The following MSRA variants were observed in gnomAD, a reference collection of about 807,000 sequenced individuals.
MSRA encodes the protein mitochondrial peptide methionine sulfoxide reductase.
In MSRA, 54 loss-of-function variants were observed where a neutral mutation model predicts 31.3. The ratio of observed to expected loss-of-function variants is 1.73; its 90% CI spans 1.39 to 2.17. MSRA has a LOEUF of 2.17. Among genes scored for constraint, MSRA ranks in the 30% most tolerant of loss-of-function variants. The probability of loss-of-function intolerance (pLI) is 0.00; values close to 1 mark genes in which losing one functional copy is unlikely to be tolerated. For missense variants in MSRA, 507 were observed against 300.9 expected (o/e 1.69, Z -5.07); for synonymous variants, 169 against 116.5 (o/e 1.45, Z -2.90).
intron 1 of MSRA, among the ~76,000 whole-genome samples, chr8:10,184,771 A>C (rs150452055): frequency 6.6e-6 from 1 of 152,168 alleles, no homozygotes. Flanking sequence ...GTTAGTTTAC[A>C]TGTCAAAGGA....
In MSRA at chr8:10,054,488, C is replaced by G. The variant is rs1802171906; in HGVS notation, c.-29C>G. 1.9e-6 allele frequency: 3 copies of G among 1,554,312 alleles called. No individual in the cohort carries two copies. The highest frequency in any genetic ancestry group is 1.2e-5 in the South Asian group (1 of 86,004). On this transcript the variant is annotated 5_prime_UTR_variant, in exon 1 of 6. Transcript: ENST00000317173. ...CTCCGCTGCCGGTAGCGCCGTCCCC[C>G]GGGACCACCCTTCGGCTGGCGCCCT... is the stretch of plus-strand genomic sequence containing the variant.
chr8:10,250,486 G>C (rs1245372445), intron 3 of MSRA: 7 of 702,260 alleles, frequency 1.0e-5, no homozygotes, highest in African/African-American at 5.2e-5. Flanking sequence ...GCACAGCCAA[G>C]TGGCACTGAA....
chr8:10,401,717 C>G (rs1807476897), intron 5 of MSRA, among the ~76,000 whole-genome samples: 1 of 152,132 alleles, frequency 6.6e-6, no homozygotes, highest in South Asian at 2.1e-4. Context: ...ACGCAATGGA[C>G]TGCAGCCTGA....
intron 5 of MSRA, among the ~76,000 whole-genome samples, chr8:10,342,116 CA>C (rs1803464626): frequency 6.6e-6 from 1 of 152,140 alleles, no homozygotes; most frequent in African/African-American, 2.4e-5. Flanking sequence ...ATCAGCTGTG[CA>C]AAAGCAACAC....
chr8:10,228,410 T>C (rs1419780714), intron 2 of MSRA, among the ~76,000 whole-genome samples: 1 of 152,162 alleles, frequency 6.6e-6, no homozygotes, highest in Non-Finnish European at 1.5e-5. Flanking sequence ...GTACAGAAAA[T>C]GCACCTCTAA....
At chr8:10,351,933 A>G (rs907026269) in intron 5 of MSRA, among the ~76,000 whole-genome samples, 9 of 152,224 alleles carry the variant, frequency 5.9e-5, no homozygotes, top group African/African-American at 1.9e-4. Context: ...ATTTAATGAG[A>G]AGAGAACCCA....
At chr8:10,357,497 T>C (rs1270469034) in intron 5 of MSRA, among the ~76,000 whole-genome samples, 1 of 152,246 alleles carries the variant, frequency 6.6e-6, no homozygotes, top group Non-Finnish European at 1.5e-5. Context: ...ACTATCTTTA[T>C]TGAAACTCTT....
intron 1 of MSRA, among the ~76,000 whole-genome samples, chr8:10,119,467 T>C (rs953830288): frequency 6.6e-6 from 1 of 152,170 alleles, no homozygotes; most frequent in African/African-American, 2.4e-5. Context: ...AGCAGGCTGA[T>C]GATTGAAGTC....
intron 1 of MSRA, among the ~76,000 whole-genome samples, chr8:10,158,235 C>T (rs747587533): frequency 1.1e-4 from 17 of 152,214 alleles, no homozygotes; most frequent in Admixed American, 2.0e-4. Flanking sequence ...ATCTGGACTT[C>T]AAGAGGACGT....
rs138093323 is a variant in MSRA, at chr8:10,428,090, C to T, written c.544-58C>T. 1,858 of 1,560,994 alleles carry T rather than the reference C, an allele frequency of 1.2e-3. 16 individuals carry two copies. The Middle Eastern group carries it at 0.04, about 34-fold the overall frequency. ...CAGCCCTGGCCCCTCAGTGCCACCC[C>T]TCGCAGGTGCTGTCTCTCTAGCATG... is the stretch of plus-strand genomic sequence containing the variant. On this transcript the variant is annotated intron_variant, in intron 5 of 5. Coordinates refer to ENST00000317173, the MANE Select transcript of MSRA (RefSeq NM_012331.5).
chr8:10,344,781 A>C (rs1803665946), intron 5 of MSRA, among the ~76,000 whole-genome samples: 1 of 152,104 alleles, frequency 6.6e-6, no homozygotes, highest in Admixed American at 6.6e-5. Flanking sequence ...GAGGTGGTGT[A>C]CAAGACCTCA....
chr8:10,165,161 G>C (rs1243787350), intron 1 of MSRA, among the ~76,000 whole-genome samples: 3 of 152,188 alleles, frequency 2.0e-5, no homozygotes, highest in African/African-American at 7.2e-5. Flanking sequence ...GAGAAGATCA[G>C]CTCTTAGAAG....
intron 1 of MSRA, among the ~76,000 whole-genome samples, chr8:10,133,875 G>T (rs1374170673): frequency 3.9e-5 from 6 of 152,120 alleles, no homozygotes; most frequent in Admixed American, 3.9e-4. Context: ...CTGTCGCCCA[G>T]GCTGGAGTGC....
chr8:10,349,095 C>T (rs776723073), intron 5 of MSRA, among the ~76,000 whole-genome samples: 6 of 152,150 alleles, frequency 3.9e-5, no homozygotes, highest in Non-Finnish European at 7.3e-5. Context: ...TCTATTCATT[C>T]TAAAACATGA....
At chr8:10,080,100 T>A (rs1410689900) in intron 1 of MSRA, among the ~76,000 whole-genome samples, 1 of 152,176 alleles carries the variant, frequency 6.6e-6, no homozygotes, top group Non-Finnish European at 1.5e-5. Flanking sequence ...TTCTCCCCCA[T>A]CTTTTTCTCT....
At chr8:10,196,262 G>T (rs1275257596) in intron 1 of MSRA, among the ~76,000 whole-genome samples, 5 of 152,150 alleles carry the variant, frequency 3.3e-5, no homozygotes, top group Non-Finnish European at 1.5e-5. Flanking sequence ...TTCGTGCTGT[G>T]GTGTAGAACT....
At chr8:10,088,767 G>A (rs1331785059) in intron 1 of MSRA, among the ~76,000 whole-genome samples, 3 of 152,062 alleles carry the variant, frequency 2.0e-5, no homozygotes, top group Non-Finnish European at 2.9e-5. Flanking sequence ...GGAGGAATAA[G>A]GACCATGTGA....
In MSRA at chr8:10,373,918, A is replaced by G. The variant is rs545293761; in HGVS notation, c.543+53929A>G. Among the ~76,000 whole-genome samples the G allele has an allele frequency of 2.0e-5, 3 of 152,282 alleles. No individual in the cohort carries two copies. The South Asian group carries it at 6.2e-4, about 32-fold the overall frequency. On this transcript the variant is annotated intron_variant, in intron 5 of 5. Transcript: ENST00000317173. ...GTGAAGCATTGGCTGTGGGGTCAAT[A>G]TCATGGCCATGGGCTTTCGGAACCC...
intron 3 of MSRA, among the ~76,000 whole-genome samples, chr8:10,296,362 A>G (rs1293361419): frequency 1.3e-5 from 2 of 152,236 alleles, no homozygotes; most frequent in Admixed American, 1.3e-4. Flanking sequence ...CAATAACAAT[A>G]GAAACCTCGT....
Sources: gnomAD v4.1 joint callset for allele counts (sites outside exome capture counted in the v4.1 genomes callset) on GRCh38, gnomAD v4.1.1 for gene constraint, MANE v1.5 for transcripts, NCBI Gene and HGNC (gene_info 2026-07-23, HGNC 2026-07-21) for gene names.